RARB: variants seen among roughly 807,000 people sequenced by gnomAD.
RARB encodes HBV-activated protein.
Under a neutral mutation model 51.9 loss-of-function variants are expected in RARB, and 17 were observed. The observed-to-expected ratio is 0.33, with a 90% CI of 0.22 to 0.49. The LOEUF (loss-of-function observed/expected upper bound fraction) is 0.49. Ranked by LOEUF, RARB falls within the 20% of genes least tolerant of loss-of-function variation. The pLI is 0.99. For missense variants in RARB, 369 were observed against 550.8 expected (o/e 0.67, Z 3.30); for synonymous variants, 215 against 195.4 (o/e 1.10, Z -0.84).
At chr3:25,069,303 T>G (rs564415124) in intron 3 of RARB, among the ~76,000 whole-genome samples, 84 of 152,322 alleles carry the variant, frequency 5.5e-4, no homozygotes, top group Middle Eastern at 3.4e-3. Flanking sequence ...TTATTCACTT[T>G]GGGCAGAAGT....
At chr3:25,326,118 G>A (rs554129694) in intron 5 of RARB, among the ~76,000 whole-genome samples, 1 of 152,256 alleles carries the variant, frequency 6.6e-6, no homozygotes, top group Non-Finnish European at 1.5e-5. Flanking sequence ...GAAAGAAAGG[G>A]GATTGTCCCC....
chr3:25,520,246 A>C (rs377761824), intron 3 of RARB, among the ~76,000 whole-genome samples: 2 of 152,222 alleles, frequency 1.3e-5, no homozygotes, highest in African/African-American at 4.8e-5. Context: ...AACACTGGTT[A>C]TAAGAGTTTA....
chr3:25,483,118 C>T (rs965624372), intron 2 of RARB, among the ~76,000 whole-genome samples: 3 of 152,124 alleles, frequency 2.0e-5, no homozygotes, highest in African/African-American at 7.2e-5. Context: ...GTGAGAATTA[C>T]AGCCAAGCGA....
chr3:25,379,579 C>T (rs575908053), intron 5 of RARB, among the ~76,000 whole-genome samples: 63 of 152,306 alleles, frequency 4.1e-4, no homozygotes, highest in African/African-American at 1.4e-3. Context: ...TATACACATA[C>T]TTAATGCAGT....
intron 4 of RARB, among the ~76,000 whole-genome samples, chr3:25,574,872 C>G (rs1700861143): frequency 6.6e-6 from 1 of 152,112 alleles, no homozygotes; most frequent in Non-Finnish European, 1.5e-5. Flanking sequence ...GGAGCTCGGG[C>G]TGCCAGGAGA....
At chr3:25,078,730 C>A (rs941441222) in intron 3 of RARB, among the ~76,000 whole-genome samples, 2 of 152,078 alleles carry the variant, frequency 1.3e-5, no homozygotes, top group African/African-American at 4.8e-5. Flanking sequence ...ATGGTTTCTC[C>A]ATGTTGGTCA....
At chr3:24,999,936 A>G (rs370698810) in intron 2 of RARB, among the ~76,000 whole-genome samples, 6 of 151,960 alleles carry the variant, frequency 3.9e-5, no homozygotes, top group Non-Finnish European at 7.4e-5. Context: ...TTACTCCCCA[A>G]CAGCCACATT....
intron 5 of RARB, among the ~76,000 whole-genome samples, chr3:25,310,533 T>C (rs1704263201): frequency 1.3e-5 from 2 of 152,222 alleles, no homozygotes; most frequent in Middle Eastern, 3.2e-3. Context: ...CTAGATACCA[T>C]GTAGCAGACA....
chr3:24,927,183 T>G (rs528070795), intron 2 of RARB, among the ~76,000 whole-genome samples: 78 of 152,130 alleles, frequency 5.1e-4, no homozygotes, highest in Non-Finnish European at 1.1e-3. Context: ...AATTTGTTAT[T>G]CAGTAAAACT....
intron 2 of RARB, among the ~76,000 whole-genome samples, chr3:24,886,812 G>A (rs976602386): frequency 6.6e-6 from 1 of 152,160 alleles, no homozygotes; most frequent in Admixed American, 6.5e-5. Flanking sequence ...AGGCAGTAAT[G>A]TAAAAGAGAA....
intron 2 of RARB, among the ~76,000 whole-genome samples, chr3:24,910,579 C>G (rs1028933631): frequency 2.6e-5 from 4 of 152,160 alleles, no homozygotes; most frequent in African/African-American, 9.7e-5. Flanking sequence ...CCCAGAGGCT[C>G]AATATGATAA....
intron 1 of RARB, among the ~76,000 whole-genome samples, chr3:25,433,554 T>G (rs1251608430): frequency 6.6e-6 from 1 of 152,218 alleles, no homozygotes; most frequent in Admixed American, 6.5e-5. Flanking sequence ...TAAATTGTTA[T>G]GAACAAATCT....
intron 4 of RARB, among the ~76,000 whole-genome samples, chr3:25,168,383 C>T (rs1700592556): frequency 6.6e-6 from 1 of 152,012 alleles, no homozygotes; most frequent in Non-Finnish European, 1.5e-5. Flanking sequence ...TGCCACCATG[C>T]CCGGCTAATT....
At chr3:24,961,163 T>C (rs1203231675) in intron 2 of RARB, among the ~76,000 whole-genome samples, 1 of 152,250 alleles carries the variant, frequency 6.6e-6, no homozygotes, top group African/African-American at 2.4e-5. Flanking sequence ...AATAGGAATC[T>C]AGAATTCGAT....
At chr3:25,272,629 G>T (rs998838466) in intron 5 of RARB, among the ~76,000 whole-genome samples, 3 of 152,216 alleles carry the variant, frequency 2.0e-5, no homozygotes, top group Admixed American at 6.5e-5. Context: ...TTGCTCTGGT[G>T]TGTGGCCAGA....
intron 3 of RARB, among the ~76,000 whole-genome samples, chr3:25,088,086 G>A (rs184366236): frequency 3.3e-5 from 5 of 152,078 alleles, no homozygotes; most frequent in Admixed American, 2.0e-4. Flanking sequence ...AAATTGGGGC[G>A]GAGGGAGATA....
intron 2 of RARB, among the ~76,000 whole-genome samples, chr3:25,500,454 G>GTTTTTTTTTTTTTTTTTTGTTGTTT (rs1697245077): frequency 1.5e-5 from 1 of 66,144 alleles, no homozygotes; most frequent in African/African-American, 5.7e-5. Context: ...TTCTTTTCTT[G>GTTTTTTTTTTTTTTTTTTGTTGTTT]TTTTTTTTTT....
At chr3:25,057,324 G>C (rs987377688) in intron 2 of RARB, among the ~76,000 whole-genome samples, 1 of 151,994 alleles carries the variant, frequency 6.6e-6, no homozygotes, top group Non-Finnish European at 1.5e-5. Flanking sequence ...TAAGGGACTT[G>C]TGATTATCTC....
At chr3:25,183,664 T>G (rs1700912999) in intron 5 of RARB, among the ~76,000 whole-genome samples, 1 of 152,292 alleles carries the variant, frequency 6.6e-6, no homozygotes, top group Admixed American at 6.5e-5. Context: ...TATTGGCTTA[T>G]CTTCTAGTCT....
Sources: allele counts gnomAD v4.1 joint callset (sites outside exome capture counted in the v4.1 genomes callset), GRCh38; gene constraint gnomAD v4.1.1; transcripts MANE v1.5; gene names NCBI Gene and HGNC (gene_info 2026-07-23, HGNC 2026-07-21).